Variants in WWOX observed in about 807,000 individuals in gnomAD.
WWOX encodes WW domain containing oxidoreductase, also known as WW domain-containing oxidoreductase.
WWOX carries 69 observed loss-of-function variants against 46.2 expected under a neutral mutation model. That is an observed-to-expected ratio of 1.49 (90% confidence interval 1.23 to 1.82). The LOEUF (loss-of-function observed/expected upper bound fraction) is 1.82. Among genes scored for constraint, WWOX ranks in the 40% most tolerant of loss-of-function variants. The pLI, the probability that WWOX is intolerant of heterozygous loss-of-function variation, is 0.00. For missense variants in WWOX, 919 were observed against 542.6 expected (o/e 1.69, Z -6.89); for synonymous variants, 359 against 202.6 (o/e 1.77, Z -6.56).
At chr16:78,978,898 C>G (rs12599971) in intron 8 of WWOX, among the ~76,000 whole-genome samples, 39 of 152,072 alleles carry the variant, frequency 2.6e-4, no homozygotes, top group Non-Finnish European at 1.2e-4. Context: ...GACACAGATC[C>G]AAACCTTATC....
intron 5 of WWOX, among the ~76,000 whole-genome samples, chr16:78,328,152 G>C (rs1163032437): frequency 1.3e-5 from 2 of 152,112 alleles, no homozygotes; most frequent in Admixed American, 6.6e-5. Flanking sequence ...TGGGATTATA[G>C]GTGTGAGCCT....
chr16:78,326,620 C>A lies in WWOX; in HGVS notation c.517-60240C>A, dbSNP rs574613941. Reference sequence around the variant, plus strand: ...GCCTCAATCTGTGGCAGAGTTGTTACATTATTGAAAAAGAACATAAAGCAT... The same window carrying A: ...GCCTCAATCTGTGGCAGAGTTGTTAAATTATTGAAAAAGAACATAAAGCAT... On this transcript the variant is annotated intron_variant, in intron 5 of 8. Transcript: ENST00000566780. 1.4e-3 allele frequency among the ~76,000 whole-genome samples: 172 copies of A among 124,638 alleles called. 1 individual carries two copies. The highest frequency in any genetic ancestry group is 4.7e-3 in the African/African-American group (156 of 33,200). 81.8% of individuals were successfully genotyped at this position (124,638 alleles called of 152,430 possible). A position where few individuals can be genotyped will look rare whatever the true frequency, so the allele number is the denominator to read the frequency against.
At chr16:78,558,896 C>G (rs1327020121) in intron 8 of WWOX, among the ~76,000 whole-genome samples, 2 of 152,216 alleles carry the variant, frequency 1.3e-5, no homozygotes, top group Admixed American at 6.5e-5. Flanking sequence ...CTTGCATCCT[C>G]CTTTGTTCCC....
intron 5 of WWOX, among the ~76,000 whole-genome samples, chr16:78,258,794 A>T (rs1455670431): frequency 1.3e-5 from 2 of 150,592 alleles, no homozygotes; most frequent in Admixed American, 1.3e-4. Context: ...TCCTCATATT[A>T]TCTTGACCTT....
chr16:78,927,821 G>C (rs1226377665), intron 8 of WWOX, among the ~76,000 whole-genome samples: 3 of 152,182 alleles, frequency 2.0e-5, no homozygotes, highest in Non-Finnish European at 4.4e-5. Context: ...TTGGAAGGCA[G>C]ATTAAGTAGG....
chr16:78,591,286 A>G (rs1241807211), intron 8 of WWOX, among the ~76,000 whole-genome samples: 1 of 152,168 alleles, frequency 6.6e-6, no homozygotes, highest in East Asian at 1.9e-4. Context: ...CCCTCAACAC[A>G]CTTAGGCTGA....
At chr16:78,586,099 G>T (rs1251692078) in intron 8 of WWOX, among the ~76,000 whole-genome samples, 3 of 152,090 alleles carry the variant, frequency 2.0e-5, no homozygotes, top group Admixed American at 6.6e-5. Flanking sequence ...GCTTATACCT[G>T]TAATCCCAAC....
intron 8 of WWOX, among the ~76,000 whole-genome samples, chr16:78,769,083 C>T (rs1162399281): frequency 6.6e-6 from 1 of 152,108 alleles, no homozygotes; most frequent in Non-Finnish European, 1.5e-5. Context: ...GCCACAAGGC[C>T]ATCTTTATAA....
chr16:79,095,941 C>T (rs1442484905), intron 8 of WWOX, among the ~76,000 whole-genome samples: 2 of 149,616 alleles, frequency 1.3e-5, no homozygotes, highest in Non-Finnish European at 3.0e-5. Flanking sequence ...CCTCTGCCTC[C>T]CAGGTTCAAG....
intron 8 of WWOX, among the ~76,000 whole-genome samples, chr16:78,841,231 T>C (rs1197312996): frequency 6.6e-6 from 1 of 152,242 alleles, no homozygotes; most frequent in Non-Finnish European, 1.5e-5. Flanking sequence ...TTTGTTCCAG[T>C]CTTTTACCAA....
chr16:79,091,955 A>G (rs1299288991), intron 8 of WWOX, among the ~76,000 whole-genome samples: 1 of 151,278 alleles, frequency 6.6e-6, no homozygotes, highest in Non-Finnish European at 1.5e-5. Flanking sequence ...TAATTTTTGT[A>G]TTTTTAGTAG....
intron 8 of WWOX, among the ~76,000 whole-genome samples, chr16:78,922,984 C>CT (rs752169332): frequency 0.042 from 5,970 of 141,490 alleles, 305 homozygotes; most frequent in African/African-American, 0.12. Flanking sequence ...TTTCTCTTTT[C>CT]TTTTTTTTTT....
chr16:79,092,172 G>C (rs886213423), intron 8 of WWOX, among the ~76,000 whole-genome samples: 1 of 152,092 alleles, frequency 6.6e-6, no homozygotes, highest in African/African-American at 2.4e-5. Flanking sequence ...GCAAGAGAAG[G>C]CTTCCTACTT....
intron 8 of WWOX, among the ~76,000 whole-genome samples, chr16:79,051,586 A>T (rs148119147): frequency 0.023 from 3,143 of 139,148 alleles, 111 homozygotes; most frequent in African/African-American, 0.078. Context: ...GGTGGGAGGG[A>T]GCGTCAACAT....
chr16:78,473,233 G>C lies in WWOX; in HGVS notation c.1056+40481G>C, dbSNP rs150369855. Reference sequence around the variant, plus strand: ...CGGCCTGCATCTCCCACGTTCAAGCGATTGTCCTGCCTCAGCCTCCCAAGT... The same window carrying C: ...CGGCCTGCATCTCCCACGTTCAAGCCATTGTCCTGCCTCAGCCTCCCAAGT... On this transcript the variant is annotated intron_variant, in intron 8 of 8. Coordinates refer to ENST00000566780, the MANE Select transcript of WWOX (RefSeq NM_016373.4). 8.2e-3 allele frequency among the ~76,000 whole-genome samples: 1,242 copies of C among 152,208 alleles called. 13 individuals carry two copies. The highest frequency in any genetic ancestry group is 9.0e-3 in the Non-Finnish European group (609 of 68,020).
chr16:78,996,192 C>G (rs1349369660), intron 8 of WWOX: 5 of 981,814 alleles, frequency 5.1e-6, no homozygotes, highest in East Asian at 1.1e-4. Flanking sequence ...TAAATAAAAT[C>G]TCCATTTAGA....
intron 6 of WWOX, among the ~76,000 whole-genome samples, chr16:78,422,766 T>TAC (rs2082972442): frequency 8.1e-6 from 1 of 123,142 alleles, no homozygotes; most frequent in African/African-American, 4.2e-5. Flanking sequence ...TACACATATA[T>TAC]ATACACACAT....
chr16:78,594,972 C>G (rs950116586), intron 8 of WWOX, among the ~76,000 whole-genome samples: 5 of 152,200 alleles, frequency 3.3e-5, no homozygotes, highest in African/African-American at 7.2e-5. Context: ...CACAATAACC[C>G]TATCCTTACT....
At chr16:78,930,448 A>ATT (rs71140847) in intron 8 of WWOX, among the ~76,000 whole-genome samples, 1,390 of 106,534 alleles carry the variant, frequency 0.013, 50 homozygotes, top group African/African-American at 0.046. Flanking sequence ...CAGCTAGCTA[A>ATT]TTTTTTTTTT....
Sources: allele counts gnomAD v4.1 joint callset (sites outside exome capture counted in the v4.1 genomes callset), GRCh38; gene constraint gnomAD v4.1.1; transcripts MANE v1.5; gene names NCBI Gene and HGNC (gene_info 2026-07-23, HGNC 2026-07-21).